Variants in C5 observed in about 807,000 individuals in gnomAD.
C5 encodes C3 and PZP-like alpha-2-macroglobulin domain-containing protein 4.
A neutral mutation model predicts 218.8 loss-of-function variants in C5; 140 were observed. The ratio of observed to expected loss-of-function variants is 0.64; its 90% CI spans 0.56 to 0.74. C5 has a LOEUF of 0.74. Ranked by LOEUF, C5 falls within the 30% of genes least tolerant of loss-of-function variation. The probability of loss-of-function intolerance (pLI) is 0.00; values close to 1 mark genes in which losing one functional copy is unlikely to be tolerated. For missense variants in C5, 1,700 were observed against 1,969.6 expected, an observed-to-expected ratio of 0.86 and a Z score of 2.59; for synonymous variants, 614 against 682.3, an observed-to-expected ratio of 0.90 and a Z score of 1.56.
intron 28 of C5, chr9:120,979,645 T>G: frequency 4.2e-6 from 1 of 239,106 alleles, no homozygotes; most frequent in Non-Finnish European, 8.3e-6. Context: ...CCTAGCACTT[T>G]GGAAGGCTGA....
intron 38 of C5, 125 bp downstream of exon 38, chr9:120,960,123 C>T: frequency 2.9e-6 from 2 of 685,812 alleles, no homozygotes; most frequent in Non-Finnish European, 5.2e-6. Context: ...TGGCATTTTC[C>T]TTCAGGGGAT....
the C5 span, among the ~76,000 whole-genome samples, chr9:121,073,132 A>G: frequency 6.6e-6 from 1 of 152,176 alleles, no homozygotes; most frequent in Admixed American, 6.5e-5. Context: ...AGTGCCTAAT[A>G]CTGCTTATAA....
the C5 span, among the ~76,000 whole-genome samples, chr9:121,056,810 T>C: frequency 2.4e-4 from 36 of 152,190 alleles, no homozygotes; most frequent in East Asian, 6.2e-3. Context: ...TGGGATAGAA[T>C]GTTTATTCAA....
the C5 span, among the ~76,000 whole-genome samples, chr9:121,073,407 CTAA>C: frequency 6.6e-6 from 1 of 151,358 alleles, no homozygotes; most frequent in Non-Finnish European, 1.5e-5. Context: ...TAACCTTTGT[CTAA>C]TAATGAAATA....
At chr9:121,022,334 G>C (rs542557057) in intron 10 of C5, among the ~76,000 whole-genome samples, 45 of 150,390 alleles carry the variant, frequency 3.0e-4, no homozygotes, top group African/African-American at 1.1e-3. Flanking sequence ...ATTCCACACA[G>C]ATATAGTTTG....
intron 40 of C5, 25 bp downstream of exon 40, chr9:120,953,705 T>C: frequency 1.2e-6 from 2 of 1,612,658 alleles, no homozygotes; most frequent in Non-Finnish European, 1.7e-6. Context: ...GGAAGATCAG[T>C]GACTGAAAAA....
At chr9:120,980,453 G>C (rs2046983872) in intron 27 of C5, among the ~76,000 whole-genome samples, 199 bp from the exon 28 acceptor site, 1 of 152,136 alleles carries the variant, frequency 6.6e-6, no homozygotes, top group African/African-American at 2.4e-5. Flanking sequence ...AAGGGACAAT[G>C]AGGTTGTCCA....
chr9:121,062,566 C>CAAGG, the C5 span, among the ~76,000 whole-genome samples: 2 of 152,202 alleles, frequency 1.3e-5, no homozygotes, highest in East Asian at 3.9e-4. Context: ...TAACACAAGG[C>CAAGG]AAGGTATTGG....
intron 12 of C5, 70 bp downstream of exon 12, chr9:121,019,906 G>C: frequency 1.1e-6 from 1 of 948,370 alleles, no homozygotes; most frequent in Non-Finnish European, 1.7e-6. Flanking sequence ...TAATTCTAAT[G>C]CCTCTCTAGA....
At chr9:121,044,072 A>G (rs2047604307) in intron 2 of C5, among the ~76,000 whole-genome samples, 1 of 152,230 alleles carries the variant, frequency 6.6e-6, no homozygotes, top group African/African-American at 2.4e-5. Context: ...AGAATTAGCT[A>G]TGCGAAATTA....
chr9:121,070,203 C>A, the C5 span, among the ~76,000 whole-genome samples: 9 of 151,582 alleles, frequency 5.9e-5, no homozygotes, highest in Admixed American at 3.9e-4. Context: ...ACTAAAAATA[C>A]AAAATTAGCT....
In C5 at chr9:120,989,661, CAT is replaced by C; in HGVS notation, c.3059_3060del (p.Tyr1020CysfsTer17). ...AELMSVVPVF[Y>X]VFHYLETGNH... is the part of the protein sequence containing the mutation. ...TTTCCTGTTTCCAGGTAGTGAAAAACATAGAATACTGGGACAACGCTCATCAG... is the reference window on the plus strand; with the variant it reads ...TTTCCTGTTTCCAGGTAGTGAAAAACAGAATACTGGGACAACGCTCATCAG... On this transcript the variant is annotated frameshift_variant, in exon 24 of 41. Transcript: ENST00000223642. LOFTEE classifies it high-confidence loss of function. The C allele has an allele frequency of 1.2e-6, 2 of 1,613,390 alleles. No homozygotes were observed. Among genetic ancestry groups the C allele is most frequent in the Admixed American group, 3.3e-5 (2 of 59,962 alleles).
upstream of C5, among the ~76,000 whole-genome samples, chr9:121,050,595 T>A (rs1275330530): frequency 1.3e-5 from 2 of 152,290 alleles, no homozygotes; most frequent in South Asian, 2.1e-4. Context: ...TGATGTTGCA[T>A]CATCTGCAAG....
chr9:121,004,814 T>C (rs1283596523), intron 20 of C5, among the ~76,000 whole-genome samples: 1 of 152,164 alleles, frequency 6.6e-6, no homozygotes, highest in Non-Finnish European at 1.5e-5. Flanking sequence ...AATTGATTGC[T>C]ATGGTATTTG....
rs890796022 is a variant in C5, at chr9:120,994,226, T to A, written c.2851+2014A>T. On this transcript the variant is annotated intron_variant, in intron 22 of 40. Coordinates refer to ENST00000223642, the MANE Select transcript of C5 (RefSeq NM_001735.3). ...TCCATTTATTTTTCCAAACACTTTT[T>A]AGCATTTTTTTTTAACTGAACCCTG... 2.3e-4 allele frequency among the ~76,000 whole-genome samples: 35 copies of A among 152,202 alleles called. 1 individual carries two copies. Among genetic ancestry groups the A allele is most frequent in the Admixed American group, 2.0e-4 (3 of 15,280 alleles).
At chr9:121,062,727 G>C in the C5 span, among the ~76,000 whole-genome samples, 1 of 152,114 alleles carries the variant, frequency 6.6e-6, no homozygotes, top group Non-Finnish European at 1.5e-5. Context: ...AATCACCAAA[G>C]TGATGGTATT....
chr9:120,969,113 G>A lies in C5; in HGVS notation c.4168C>T (p.His1390Tyr). Reference protein sequence around the residue: ...KIDTQDIEASHYRGYGNSDYK... With the variant: ...KIDTQDIEASYYRGYGNSDYK... ...TCAGAGTTTCCGTAGCCTCTGTAGT[G>A]GGATGCTGGCACATAAGACAAGAAA... Residue 1390 changes from histidine to tyrosine, a missense_variant, in exon 33 of 41, where the codon CAC becomes TAC. Physicochemically the swap from His to Tyr is moderately conservative, Grantham distance 83. Coordinates refer to ENST00000223642, the MANE Select transcript of C5 (RefSeq NM_001735.3). 2 of 1,613,566 alleles carry A rather than the reference G, an allele frequency of 1.2e-6. No homozygotes were observed. The highest frequency in any genetic ancestry group is 1.3e-5 in the African/African-American group (1 of 75,020).
chr9:121,017,238 TA>T, intron 14 of C5, 123 bp downstream of exon 14: 1 of 1,165,664 alleles, frequency 8.6e-7, no homozygotes, highest in Non-Finnish European at 1.3e-6. Context: ...TTTACCTTCC[TA>T]AAAATGAGTA....
intron 20 of C5, among the ~76,000 whole-genome samples, chr9:120,999,408 C>G (rs973120334): frequency 6.6e-6 from 1 of 152,116 alleles, no homozygotes; most frequent in South Asian, 2.1e-4. Flanking sequence ...CCCAGTAGAA[C>G]CTGACATCAT....
Sources: gnomAD v4.1 joint callset for allele counts (sites outside exome capture counted in the v4.1 genomes callset) on GRCh38, gnomAD v4.1.1 for gene constraint, MANE v1.5 for transcripts, NCBI Gene and HGNC (gene_info 2026-07-23, HGNC 2026-07-21) for gene names.